The following PLB1 variants were observed in gnomAD, a reference collection of about 807,000 sequenced individuals.
The protein encoded by PLB1 is phospholipase B1, membrane-associated.
Under a neutral mutation model 227.4 loss-of-function variants are expected in PLB1, and 242 were observed. That is an observed-to-expected ratio of 1.06 (90% CI 0.96 to 1.18). The LOEUF (loss-of-function observed/expected upper bound fraction) is 1.18. Among genes scored for constraint, PLB1 ranks in the 50% most tolerant of loss-of-function variants. PLB1 has a pLI of 0.00. For synonymous variants in PLB1, 757 were observed against 682.2 expected, an observed-to-expected ratio of 1.11 and a Z score of -1.71; for missense variants, 1,858 against 1,816.3, an observed-to-expected ratio of 1.02 and a Z score of -0.42.
At position 28,565,308 on chromosome 2, in the gene PLB1, G is replaced by C. The variant is rs776074057; in HGVS notation, c.1235G>C (p.Gly412Ala). 1 of 1,612,066 alleles carries C rather than the reference G, an allele frequency of 6.2e-7. No homozygotes were observed. Among genetic ancestry groups the C allele is most frequent in the South Asian group, 1.1e-5 (1 of 90,218 alleles). The change falls in exon 19 of 58, where the codon GGG (glycine) becomes GCG (alanine). Residue 412 changes from glycine to alanine, a missense_variant. Transcript: ENST00000327757. ...GGCAATGGGGCCGGGTCCACACCTG[G>C]GAACGTCTTGGACGTCTTGACTCAG... ...TAGNGAGSTP[G>A]NVLDVLTQYR...
chr2:28,516,537 T>G (rs1668869823), intron 1 of PLB1, among the ~76,000 whole-genome samples: 1 of 152,248 alleles, frequency 6.6e-6, no homozygotes, highest in Admixed American at 6.5e-5. Flanking sequence ...AATGTGCTTG[T>G]GCATGATATA....
intron 9 of PLB1, among the ~76,000 whole-genome samples, chr2:28,534,668 A>G (rs902112309): frequency 2.0e-5 from 3 of 152,130 alleles, no homozygotes; most frequent in African/African-American, 7.2e-5. Context: ...AGCCTGGCCA[A>G]TATGGTGAAA....
intron 25 of PLB1, 24 bp from the exon 26 acceptor site, chr2:28,585,737 G>T (rs772930460): frequency 5.8e-6 from 9 of 1,553,002 alleles, no homozygotes; most frequent in African/African-American, 1.4e-5. Flanking sequence ...TGGGATGAGG[G>T]TTTCTCTTTG....
chr2:28,510,625 C>CTCTT (rs1553397912), intron 1 of PLB1, among the ~76,000 whole-genome samples: 1 of 118,060 alleles, frequency 8.5e-6, no homozygotes, highest in African/African-American at 3.3e-5. Context: ...TTTTCTCTCT[C>CTCTT]TTTTTTTTTT....
intron 31 of PLB1, 104 bp downstream of exon 31, chr2:28,591,864 C>T (rs147647784): frequency 1.1e-4 from 128 of 1,166,302 alleles, no homozygotes; most frequent in East Asian, 1.4e-4. Flanking sequence ...GGCACAGTGA[C>T]GGCCAGTGCT....
At chr2:28,597,903 T>C in intron 33 of PLB1, 102 bp from the exon 34 acceptor site, 2 of 1,140,336 alleles carry the variant, frequency 1.8e-6, no homozygotes, top group Non-Finnish European at 2.7e-6. Context: ...AAGGTGCCGA[T>C]GGGCACTAAG....
rs139241801 is a variant in PLB1, at chr2:28,638,281, G to A, written c.4099-2646G>A. 3.6e-3 allele frequency among the ~76,000 whole-genome samples: 543 copies of A among 152,112 alleles called. 3 individuals carry two copies. Among genetic ancestry groups the A allele is most frequent in the African/African-American group, 0.012 (507 of 41,494 alleles). On this transcript the variant is annotated intron_variant, in intron 56 of 57. Coordinates refer to ENST00000327757, the MANE Select transcript of PLB1 (RefSeq NM_153021.5). Reference sequence around the variant, plus strand: ...AAGAAGTGACAGTGAATTGAGAAGCGCATGTCAAGGGGTTGCCAGGCAGAG... The same window carrying A: ...AAGAAGTGACAGTGAATTGAGAAGCACATGTCAAGGGGTTGCCAGGCAGAG...
intron 21 of PLB1, among the ~76,000 whole-genome samples, chr2:28,575,852 G>T (rs992130494): frequency 6.6e-6 from 1 of 152,118 alleles, no homozygotes; most frequent in African/African-American, 2.4e-5. Context: ...TGCCCAGCAG[G>T]CCCAATATGT....
intron 6 of PLB1, 73 bp downstream of exon 6, chr2:28,526,018 A>G (rs1670211981): frequency 4.5e-6 from 7 of 1,551,238 alleles, no homozygotes; most frequent in Non-Finnish European, 6.2e-6. Context: ...CCTCTCTAAT[A>G]AAGAGAATGG....
chr2:28,572,655 G>C (rs1451746395), intron 20 of PLB1, among the ~76,000 whole-genome samples: 1 of 152,182 alleles, frequency 6.6e-6, no homozygotes, highest in Non-Finnish European at 1.5e-5. Flanking sequence ...AGTCACAAAA[G>C]GTATGTTGGG....
chr2:28,554,977 A>G (rs968541913), intron 17 of PLB1, among the ~76,000 whole-genome samples: 5 of 152,110 alleles, frequency 3.3e-5, no homozygotes, highest in Non-Finnish European at 5.9e-5. Flanking sequence ...GATCTGACCA[A>G]GGTGAGCATG....
At chr2:28,640,745 A>C (rs1208996837) in intron 56 of PLB1, among the ~76,000 whole-genome samples, 182 bp from the exon 57 acceptor site, 1 of 152,122 alleles carries the variant, frequency 6.6e-6, no homozygotes, top group Non-Finnish European at 1.5e-5. Flanking sequence ...GTGTGTCATA[A>C]GTCAACTCCC....
chr2:28,540,468 G>A lies in PLB1; in HGVS notation c.774+27G>A, dbSNP rs113570136. 3.1e-6 allele frequency: 5 copies of A among 1,604,920 alleles called. No homozygotes were observed. The African/African-American group carries it at 4.0e-5, about 13-fold the overall frequency. The stretch of plus-strand genomic sequence containing the variant: ...TGAGCCCAACCTGGGATCCCAAGCT[G>A]CTGGCTCACCGGGGTGGCGTGGTCG... On this transcript the variant is annotated intron_variant, in intron 12 of 57. Coordinates refer to ENST00000327757, the MANE Select transcript of PLB1 (RefSeq NM_153021.5).
At chr2:28,612,335 C>G (rs145689687) in intron 43 of PLB1, among the ~76,000 whole-genome samples, 1 of 152,128 alleles carries the variant, frequency 6.6e-6, no homozygotes, top group South Asian at 2.1e-4. Flanking sequence ...CGCTGTCTGA[C>G]CAACAGGGTT....
chr2:28,591,270 A>G (rs1043246919), intron 30 of PLB1, 99 bp downstream of exon 30: 10 of 1,485,208 alleles, frequency 6.7e-6, no homozygotes, highest in Non-Finnish European at 8.5e-6. Context: ...AGCGGGCAAG[A>G]GTTCTAGATG....
chr2:28,540,809 G>C (rs1179514186), intron 12 of PLB1, among the ~76,000 whole-genome samples: 1 of 152,142 alleles, frequency 6.6e-6, no homozygotes, highest in Non-Finnish European at 1.5e-5. Flanking sequence ...CCTGTCCCTA[G>C]CTTACAGCCC....
intron 1 of PLB1, among the ~76,000 whole-genome samples, chr2:28,509,926 GC>G (rs552535516): frequency 3.8e-4 from 58 of 152,262 alleles, no homozygotes; most frequent in African/African-American, 1.1e-3. Context: ...GGTTAGTGGG[GC>G]CAGAAGTGAG....
intron 43 of PLB1, among the ~76,000 whole-genome samples, chr2:28,611,266 G>T (rs547008169): frequency 3.4e-4 from 52 of 152,216 alleles, no homozygotes; most frequent in African/African-American, 1.2e-3. Context: ...CCAACCTGTA[G>T]ATCTTGTGAT....
chr2:28,570,717 C>T (rs949062154), intron 20 of PLB1, among the ~76,000 whole-genome samples: 1 of 152,142 alleles, frequency 6.6e-6, no homozygotes, highest in African/African-American at 2.4e-5. Context: ...GCCTGGGAGG[C>T]AGAGGTTGCA....
Sources: gnomAD v4.1 joint callset for allele counts (sites outside exome capture counted in the v4.1 genomes callset) on GRCh38, gnomAD v4.1.1 for gene constraint, MANE v1.5 for transcripts, NCBI Gene and HGNC (gene_info 2026-07-23, HGNC 2026-07-21) for gene names.